The following VAV2 variants were observed in gnomAD, a reference collection of about 807,000 sequenced individuals.
The protein encoded by VAV2 is guanine nucleotide exchange factor VAV2.
Under a neutral mutation model 132.5 loss-of-function variants are expected in VAV2, and 67 were observed. That is an observed-to-expected ratio of 0.51 (90% CI 0.42 to 0.62). The LOEUF is 0.62. VAV2 is among the 20% of genes least tolerant of loss of function. The pLI is 0.00. For missense variants in VAV2, 938 were observed against 1,153.6 expected, an observed-to-expected ratio of 0.81 and a Z score of 2.71; for synonymous variants, 492 against 443.5, an observed-to-expected ratio of 1.11 and a Z score of -1.37.
At chr9:133,805,406 C>T (rs917668757) in intron 9 of VAV2, among the ~76,000 whole-genome samples, 5 of 152,186 alleles carry the variant, frequency 3.3e-5, no homozygotes, top group African/African-American at 2.4e-5. Context: ...AGCTTGGCAC[C>T]GTCCCCTGAT....
At chr9:133,946,832 T>C (rs1841376718) in intron 1 of VAV2, among the ~76,000 whole-genome samples, 2 of 152,186 alleles carry the variant, frequency 1.3e-5, no homozygotes, top group African/African-American at 2.4e-5. Context: ...TGGATCAAAT[T>C]TGGGGCCCAT....
At chr9:133,980,435 A>T (rs1169418194) in intron 1 of VAV2, among the ~76,000 whole-genome samples, 1 of 152,082 alleles carries the variant, frequency 6.6e-6, no homozygotes, top group Admixed American at 6.5e-5. Flanking sequence ...CCCAGAATAG[A>T]GAAAGGGCAT....
chr9:133,859,213 C>G (rs1483942483), intron 3 of VAV2, among the ~76,000 whole-genome samples: 1 of 152,234 alleles, frequency 6.6e-6, no homozygotes, highest in Non-Finnish European at 1.5e-5. Flanking sequence ...ATGGTCCTCA[C>G]CACCCCCGAA....
intron 4 of VAV2, among the ~76,000 whole-genome samples, chr9:133,813,505 C>T (rs1231320498): frequency 3.3e-5 from 5 of 152,218 alleles, no homozygotes; most frequent in Non-Finnish European, 7.3e-5. Context: ...CGTGTGCATT[C>T]GAGGAAGGCC....
chr9:133,959,194 C>A (rs1336327678), intron 1 of VAV2, among the ~76,000 whole-genome samples: 1 of 152,210 alleles, frequency 6.6e-6, no homozygotes, highest in Non-Finnish European at 1.5e-5. Context: ...CAGTCCTCAA[C>A]CCCAGGCTGC....
At chr9:133,939,378 A>C (rs1841048861) in intron 1 of VAV2, 159 bp from the exon 2 acceptor site, 1 of 709,108 alleles carries the variant, frequency 1.4e-6, no homozygotes, top group Non-Finnish European at 2.5e-6. Context: ...CAGAGAGATG[A>C]CGAAACCCCC....
rs1451323052 is a variant in VAV2 at position 133,795,810 on chromosome 9, AG to A, written c.1033-75del. The A allele has an allele frequency of 4.6e-6, 7 of 1,530,188 alleles. No individual in the cohort carries two copies. In the African/African-American group the frequency reaches 9.6e-5, roughly 21 times the overall value. 94.8% of individuals were successfully genotyped at this position (1,530,188 alleles called of 1,614,324 possible). On this transcript the variant is annotated intron_variant, in intron 11 of 29. Transcript: ENST00000371850. ...CTCTGCCCTGGCCCCTACCTGGGGC[AG>A]GAGGTGTGCACAGAACCAAGTCCTC...
rs570669370 is a variant in VAV2 at position 133,917,628 on chromosome 9, GTCCTA to G, written c.321+21470_321+21474del. On this transcript the variant is annotated intron_variant, in intron 2 of 29. Transcript: ENST00000371850. ...CTACCCCCTCTGGGCCTCACTCCCT[GTCCTA>G]GCCTGCCTGAGAGAGTGCCATCCTC... 3.6e-3 allele frequency among the ~76,000 whole-genome samples: 551 copies of G among 152,254 alleles called. 7 individuals carry two copies. Among genetic ancestry groups the G allele is most frequent in the Middle Eastern group, 0.024 (7 of 292 alleles).
chr9:133,804,337 C>T lies in VAV2; in HGVS notation c.836+1744G>A, dbSNP rs373465831. 4.6e-5 allele frequency among the ~76,000 whole-genome samples: 7 copies of T among 152,338 alleles called. No homozygotes were observed. Among genetic ancestry groups the T allele is most frequent in the African/African-American group, 1.4e-4 (6 of 41,572 alleles). On this transcript the variant is annotated intron_variant, in intron 9 of 29. Transcript: ENST00000371850. This position sits in a 1 kb window ranked among gnomAD's most constrained non-coding sequence, Gnocchi z 4.5. ...TCGCCACACGCCTCGCTGCCAGGGA[C>T]GGAGCTGCCCGTCCACAGAGCTCTT...
intron 2 of VAV2, among the ~76,000 whole-genome samples, chr9:133,932,224 G>GC (rs1002534476): frequency 6.6e-6 from 1 of 152,200 alleles, no homozygotes; most frequent in African/African-American, 2.4e-5. Context: ...TCCCAGCTGG[G>GC]CAACTGGACA....
chr9:133,792,027 G>GGT (rs1217661294), intron 12 of VAV2, among the ~76,000 whole-genome samples, 158 bp from the exon 13 acceptor site: 15 of 149,704 alleles, frequency 1.0e-4, no homozygotes, highest in South Asian at 2.1e-4. Flanking sequence ...TGCTGGGTGG[G>GGT]GTGTGTGTGT....
At chr9:133,877,197 CGAG>C (rs989040774) in intron 2 of VAV2, among the ~76,000 whole-genome samples, 10 of 152,142 alleles carry the variant, frequency 6.6e-5, no homozygotes, top group African/African-American at 2.2e-4. Flanking sequence ...CCTGGCTGTA[CGAG>C]GAGAGGCTCC....
chr9:133,895,482 G>T (rs926529462), intron 2 of VAV2, among the ~76,000 whole-genome samples: 4 of 152,222 alleles, frequency 2.6e-5, no homozygotes, highest in Admixed American at 2.6e-4. Flanking sequence ...GGACTATCAC[G>T]CCGACGTGAA....
At chr9:133,941,793 G>A (rs543447595) in intron 1 of VAV2, among the ~76,000 whole-genome samples, 8 of 152,220 alleles carry the variant, frequency 5.3e-5, no homozygotes, top group East Asian at 1.9e-4. Flanking sequence ...TAGTAGAGAC[G>A]GGGTTTCTCC....
Position 133,918,961 on chromosome 9 carries a change from G to A in VAV2, c.321+20142C>T, listed in dbSNP as rs1469046060. On this transcript the variant is annotated intron_variant, in intron 2 of 29. Transcript: ENST00000371850. This position sits in a 1 kb window ranked among gnomAD's most constrained non-coding sequence, Gnocchi z 4.7. ...AGGCTAATTTTGTATTTTTAGTAGA[G>A]ACGGGGTTTCACCATGTTGTCCAGG... Among the ~76,000 whole-genome samples, 2 of 152,068 alleles carry A rather than the reference G, an allele frequency of 1.3e-5. No individual in the cohort carries two copies. Among genetic ancestry groups the A allele is most frequent in the African/African-American group, 2.4e-5 (1 of 41,394 alleles).
chr9:133,842,489 G>A (rs186951042), intron 3 of VAV2, among the ~76,000 whole-genome samples: 3 of 152,362 alleles, frequency 2.0e-5, no homozygotes, highest in African/African-American at 2.4e-5. Context: ...TCTACTGTCC[G>A]GGTTTGCCCA....
chr9:133,856,907 T>G (rs1150061), intron 3 of VAV2, among the ~76,000 whole-genome samples: 1 of 152,154 alleles, frequency 6.6e-6, no homozygotes, highest in East Asian at 1.9e-4. Flanking sequence ...TCTCAGGGTT[T>G]GGGGGTTAGG....
chr9:133,832,347 G>A (rs1197417817), intron 4 of VAV2, among the ~76,000 whole-genome samples: 1 of 152,170 alleles, frequency 6.6e-6, no homozygotes, highest in Non-Finnish European at 1.5e-5. Context: ...AGGGGGGTAT[G>A]TTCCAACTCT....
chr9:133,776,497 G>A (rs1833817117), intron 23 of VAV2, among the ~76,000 whole-genome samples: 1 of 152,184 alleles, frequency 6.6e-6, no homozygotes, highest in African/African-American at 2.4e-5. Context: ...AGCAGGTAGG[G>A]CTCCCTCCCT....
Sources: gnomAD v4.1 joint callset for allele counts (sites outside exome capture counted in the v4.1 genomes callset) on GRCh38, gnomAD v4.1.1 for gene constraint, Gnocchi (gnomAD v3.1) non-coding constraint, MANE v1.5 for transcripts, NCBI Gene and HGNC (gene_info 2026-07-23, HGNC 2026-07-21) for gene names.